PON2: variants seen among roughly 807,000 people sequenced by gnomAD.
PON2 encodes the protein paraoxonase 2.
Under a neutral mutation model 36.6 loss-of-function variants are expected in PON2, and 27 were observed. The ratio of observed to expected loss-of-function variants is 0.74; its 90% CI spans 0.54 to 1.02. The LOEUF is 1.02. Ranked by LOEUF, PON2 falls within the 50% of genes least tolerant of loss-of-function variation. PON2 has a pLI of 0.00. For missense variants in PON2, 363 were observed against 421.1 expected (o/e 0.86, Z 1.21); for synonymous variants, 149 against 156.3 (o/e 0.95, Z 0.35).
intron 6 of PON2, among the ~76,000 whole-genome samples, chr7:95,408,997 C>T (rs1230944884): frequency 6.6e-6 from 1 of 152,144 alleles, no homozygotes; most frequent in East Asian, 1.9e-4. Flanking sequence ...CCAAAATCTG[C>T]AAGTTTAACC....
chr7:95,428,365 A>T (rs2116503856), intron 1 of PON2, among the ~76,000 whole-genome samples: 1 of 152,304 alleles, frequency 6.6e-6, no homozygotes, highest in Non-Finnish European at 1.5e-5. Flanking sequence ...GTGACCAAGG[A>T]ATCCATGGGT....
In PON2 at chr7:95,411,777, C is replaced by G; in HGVS notation, c.370G>C (p.Asp124His). Reference protein sequence around the residue: ...HGISTFIDNDDTVYLFVVNHP... With the variant: ...HGISTFIDNDHTVYLFVVNHP... ...TTTACAACAAAGAGATAAACTGTGT[C>G]ATCTAAAGAATTGAAAGAACAGAGT... The change falls in exon 5 of 9, where the codon GAC becomes CAC. Residue 124 changes from aspartate to histidine, a missense_variant and splice_region_variant. By Grantham distance (81) the Asp-to-His change is moderately conservative. Coordinates refer to ENST00000222572, the MANE Select transcript of PON2 (RefSeq NM_000305.3). 1 of 1,613,346 alleles carries G rather than the reference C, an allele frequency of 6.2e-7. No homozygotes were observed. Among genetic ancestry groups the G allele is most frequent in the Non-Finnish European group, 8.5e-7 (1 of 1,179,576 alleles).
rs185378297 is a variant in PON2, at chr7:95,425,900, T to C, written c.75-1315A>G. Among the ~76,000 whole-genome samples the C allele has an allele frequency of 2.6e-3, 393 of 152,170 alleles. 2 individuals are homozygous for C. Among genetic ancestry groups the C allele is most frequent in the African/African-American group, 9.1e-3 (377 of 41,472 alleles). On this transcript the variant is annotated intron_variant, in intron 1 of 8. Coordinates refer to ENST00000222572, the MANE Select transcript of PON2 (RefSeq NM_000305.3). ...ATATAATAAAAAATAATGCATTAAA[T>C]GTATTAAATAATACAAATTTTTAAA...
At chr7:95,416,197 C>G in intron 3 of PON2, 45 bp downstream of exon 3, 2 of 1,611,308 alleles carry the variant, frequency 1.2e-6, no homozygotes, top group East Asian at 4.5e-5. Flanking sequence ...ATCAAATACC[C>G]TTGTATCTCC....
intron 8 of PON2, 131 bp from the exon 9 acceptor site, chr7:95,405,619 C>A: frequency 2.2e-6 from 2 of 896,772 alleles, no homozygotes; most frequent in Non-Finnish European, 3.6e-6. Context: ...AGTTACCAAT[C>A]TTTTTAATGT....
chr7:95,427,744 A>G (rs1789348560), intron 1 of PON2, among the ~76,000 whole-genome samples: 1 of 152,180 alleles, frequency 6.6e-6, no homozygotes, highest in South Asian at 2.1e-4. Context: ...ATGAACTACT[A>G]TTAATCTGAT....
chr7:95,424,434 T>C (rs1425089496), intron 2 of PON2, 81 bp downstream of exon 2: 2 of 1,149,746 alleles, frequency 1.7e-6, no homozygotes, highest in African/African-American at 1.5e-5. Context: ...AGTAATTTCA[T>C]GCTAAAATGC....
intron 1 of PON2, among the ~76,000 whole-genome samples, chr7:95,430,195 T>C (rs967464226): frequency 6.6e-6 from 1 of 152,092 alleles, no homozygotes; most frequent in African/African-American, 2.4e-5. Flanking sequence ...CAGGGCTCAG[T>C]AGCTCATACC....
rs74422846 is a variant in PON2 at position 95,416,620 on chromosome 7, A to G, written c.146-323T>C. On this transcript the variant is annotated intron_variant, in intron 2 of 8. Transcript: ENST00000222572. ...AGATGTCCGTATAAAAGTAATTGAC[A>G]TCAGGGGAATATTACTTTCTGAAGG... Among the ~76,000 whole-genome samples the G allele has an allele frequency of 7.6e-3, 1,159 of 152,340 alleles. 53 individuals carry two copies. Among genetic ancestry groups the G allele is most frequent in the Admixed American group, 0.066 (1,011 of 15,302 alleles).
chr7:95,410,154 T>C, intron 5 of PON2, 53 bp from the exon 6 acceptor site: 1 of 1,391,498 alleles, frequency 7.2e-7, no homozygotes, highest in African/African-American at 1.4e-5. Flanking sequence ...TTGGTCTCCA[T>C]ATTAAATATT....
At position 95,405,493 on chromosome 7, in the gene PON2, T is replaced by G. The variant is rs369448220; in HGVS notation, c.907-5A>C. On this transcript the variant is annotated splice_region_variant and splice_polypyrimidine_tract_variant and intron_variant, in intron 8 of 8. Transcript: ENST00000222572. Reference sequence around the variant, plus strand: ...AATGTTCTGGATGCGGAGAACCTATTCAGGGGATACAAAGTATGAATATAA... The same window carrying G: ...AATGTTCTGGATGCGGAGAACCTATGCAGGGGATACAAAGTATGAATATAA... The G allele has an allele frequency of 4.3e-6, 7 of 1,611,116 alleles. No homozygotes were observed. In the African/African-American group the frequency reaches 8.0e-5, roughly 18 times the overall value.
rs528687232 is a variant in PON2 at position 95,423,131 on chromosome 7, C to G, written c.145+1384G>C. On this transcript the variant is annotated intron_variant, in intron 2 of 8. Coordinates refer to ENST00000222572, the MANE Select transcript of PON2 (RefSeq NM_000305.3). ...TTGAGGCCAGGAGTTCAAGACCAGC[C>G]TGGACAACATAACAAGACCCTGTCT... 1.4e-4 allele frequency among the ~76,000 whole-genome samples: 22 copies of G among 151,952 alleles called. 1 individual carries two copies. Among genetic ancestry groups the G allele is most frequent in the African/African-American group, 4.1e-4 (17 of 41,454 alleles).
chr7:95,406,309 G>C, intron 7 of PON2, 62 bp from the exon 8 acceptor site: 2 of 1,550,240 alleles, frequency 1.3e-6, no homozygotes, highest in Non-Finnish European at 1.8e-6. Context: ...ATAATTTAGA[G>C]GTAACCTTCC....
intron 1 of PON2, among the ~76,000 whole-genome samples, chr7:95,429,812 G>C (rs1338639724): frequency 6.6e-6 from 1 of 152,078 alleles, no homozygotes; most frequent in Non-Finnish European, 1.5e-5. Flanking sequence ...AAAACCCTTT[G>C]GAATTCACCC....
chr7:95,412,391 C>T lies in PON2; in HGVS notation c.288G>A (p.Arg96=), dbSNP rs775390775. The T allele has an allele frequency of 6.2e-7, 1 of 1,614,122 alleles. No homozygotes were observed. Among genetic ancestry groups the T allele is most frequent in the Non-Finnish European group, 8.5e-7 (1 of 1,180,026 alleles). ...LMMDLKEEKP[R]ARELRISRGF... ...CACGACTGATTCTTAATTCCCGTGC[C>T]CTTGGTTTTTCTTCTTTTAGATCCA... is the stretch of plus-strand genomic sequence containing the variant. The change falls in exon 4 of 9, where the codon AGG becomes AGA. Residue 96 remains arginine, a synonymous_variant. Transcript: ENST00000222572.
chr7:95,412,495 A>G lies in PON2; in HGVS notation c.202-18T>C. ...TTTAGACCCTTTCCAAAACGGTGAA[A>G]AATGTTAAATACAAAAGCTTAAGTA... On this transcript the variant is annotated intron_variant, in intron 3 of 8. Transcript: ENST00000222572. 1.2e-6 allele frequency: 2 copies of G among 1,610,944 alleles called. No individual in the cohort carries two copies.
chr7:95,411,565 G>A (rs17876143), intron 5 of PON2, 88 bp downstream of exon 5: 16,167 of 1,488,076 alleles, frequency 0.011, 177 homozygotes, highest in East Asian at 0.031. Context: ...ATACATTAGC[G>A]CTTATAAAAG....
intron 1 of PON2, among the ~76,000 whole-genome samples, chr7:95,429,650 C>T (rs1003721816): frequency 6.6e-6 from 1 of 152,158 alleles, no homozygotes; most frequent in African/African-American, 2.4e-5. Context: ...CCAATATGCC[C>T]CTAAGCAAAG....
intron 1 of PON2, 33 bp downstream of exon 1, chr7:95,434,845 C>T (rs1176375333): frequency 6.5e-7 from 1 of 1,534,252 alleles, no homozygotes. Context: ...GCCTGGGGAC[C>T]GCCGAGGAGG....
Sources: allele counts gnomAD v4.1 joint callset (sites outside exome capture counted in the v4.1 genomes callset), GRCh38; gene constraint gnomAD v4.1.1; transcripts MANE v1.5; gene names NCBI Gene and HGNC (gene_info 2026-07-23, HGNC 2026-07-21).